PDZD2: variants seen among roughly 807,000 people sequenced by gnomAD.
PDZD2 encodes the protein PDZ domain-containing protein 2.
Under a neutral mutation model 220.7 loss-of-function variants are expected in PDZD2, and 90 were observed. The observed-to-expected ratio is 0.41, with a 90% confidence interval of 0.34 to 0.49. The LOEUF (loss-of-function observed/expected upper bound fraction) is 0.49. Among genes scored for constraint, PDZD2 ranks in the 20% least tolerant of loss-of-function variants. The pLI, the probability that PDZD2 is intolerant of heterozygous loss-of-function variation, is 0.28. For synonymous variants in PDZD2, 1,375 were observed against 1,450.5 expected, an observed-to-expected ratio of 0.95 and a Z score of 1.18; for missense variants, 3,174 against 3,608.5, an observed-to-expected ratio of 0.88 and a Z score of 3.08.
intron 2 of PDZD2, among the ~76,000 whole-genome samples, chr5:31,906,767 C>T (rs1264200741): frequency 6.6e-6 from 1 of 152,116 alleles, no homozygotes; most frequent in Non-Finnish European, 1.5e-5. Context: ...AGCTTGAACC[C>T]AGCAGGCGGA....
chr5:32,097,747 C>T (rs536063845), intron 22 of PDZD2, among the ~76,000 whole-genome samples: 69 of 152,278 alleles, frequency 4.5e-4, no homozygotes, highest in African/African-American at 1.6e-3. Flanking sequence ...ATTCAAAAGC[C>T]TTCAGGACCA....
chr5:31,880,780 C>CTTT (rs1177280477), intron 2 of PDZD2, among the ~76,000 whole-genome samples: 3 of 42,770 alleles, frequency 7.0e-5, no homozygotes, highest in South Asian at 9.0e-4. Context: ...AGGTAGCTTT[C>CTTT]TTTTTTTTTT....
chr5:31,827,447 C>T (rs1756294875), intron 2 of PDZD2, among the ~76,000 whole-genome samples: 1 of 151,980 alleles, frequency 6.6e-6, no homozygotes, highest in African/African-American at 2.4e-5. Context: ...AATCCCAACA[C>T]CTTGGGAGGC....
intron 1 of PDZD2, among the ~76,000 whole-genome samples, chr5:31,648,641 C>T (rs10054637): frequency 0.044 from 6,673 of 152,152 alleles, 251 homozygotes; most frequent in African/African-American, 0.098. Flanking sequence ...CCTTTTCCTC[C>T]GAGCAGCCAG....
At chr5:31,793,577 C>G (rs893185742) in intron 1 of PDZD2, among the ~76,000 whole-genome samples, 1 of 152,118 alleles carries the variant, frequency 6.6e-6, no homozygotes, top group African/African-American at 2.4e-5. Flanking sequence ...GAGGCTGAGG[C>G]GGGCGAATCA....
chr5:31,756,710 G>T (rs1561435088), intron 1 of PDZD2, among the ~76,000 whole-genome samples: 1 of 152,216 alleles, frequency 6.6e-6, no homozygotes, highest in Non-Finnish European at 1.5e-5. Context: ...GATGGTCTGG[G>T]CGACACTGTG....
At chr5:31,647,258 G>A (rs182879925) in intron 1 of PDZD2, among the ~76,000 whole-genome samples, 1 of 152,196 alleles carries the variant, frequency 6.6e-6, no homozygotes. Context: ...TTCACTATTT[G>A]GCAGGCACTG....
Position 31,668,752 on chromosome 5 carries a change from G to C in PDZD2, c.-361+29315G>C, listed in dbSNP as rs374277701. Among the ~76,000 whole-genome samples the C allele has an allele frequency of 6.0e-4, 92 of 152,216 alleles. 5 individuals carry two copies. The East Asian group carries it at 6.8e-3, about 11-fold the overall frequency. ...AATTCAAAATCTGCAATGAATGCTT[G>C]GTTATTTCCAAAGGGCCTGCTTTTT... On this transcript the variant is annotated intron_variant, in intron 1 of 24. Coordinates refer to ENST00000438447, the MANE Select transcript of PDZD2 (RefSeq NM_178140.4).
intron 2 of PDZD2, among the ~76,000 whole-genome samples, chr5:31,890,339 G>T (rs1429386013): frequency 6.6e-6 from 1 of 151,960 alleles, no homozygotes; most frequent in Non-Finnish European, 1.5e-5. Context: ...ATGTGGTGAG[G>T]GTGTATGGTA....
intron 2 of PDZD2, among the ~76,000 whole-genome samples, chr5:31,938,030 ATCC>A (rs1745912410): frequency 1.3e-5 from 2 of 152,184 alleles, no homozygotes; most frequent in Non-Finnish European, 2.9e-5. Flanking sequence ...CACAAAGCCT[ATCC>A]GATCTTTAGA....
intron 1 of PDZD2, among the ~76,000 whole-genome samples, chr5:31,762,604 A>G (rs1201323671): frequency 1.3e-5 from 2 of 152,154 alleles, no homozygotes; most frequent in East Asian, 3.9e-4. Context: ...GGCACTTCTT[A>G]TGCTAGCACA....
At position 32,046,041 on chromosome 5, in the gene PDZD2, A is replaced by G. The variant is rs555956938; in HGVS notation, c.1520-2498A>G. On this transcript the variant is annotated intron_variant, in intron 7 of 24. Coordinates refer to ENST00000438447, the MANE Select transcript of PDZD2 (RefSeq NM_178140.4). Reference sequence around the variant, plus strand: ...AACTTGATATATGAGGAATCTGTATATACACACAAACACATATGTATATAC... The same window carrying G: ...AACTTGATATATGAGGAATCTGTATGTACACACAAACACATATGTATATAC... Among the ~76,000 whole-genome samples, 12 of 152,350 alleles carry G rather than the reference A, an allele frequency of 7.9e-5. No homozygotes were observed. The South Asian group carries it at 1.5e-3, about 18-fold the overall frequency.
intron 7 of PDZD2, among the ~76,000 whole-genome samples, chr5:32,044,780 T>G (rs1737769655): frequency 1.3e-5 from 2 of 152,148 alleles, no homozygotes; most frequent in Non-Finnish European, 2.9e-5. Context: ...TCCGCAGTTT[T>G]GGAAAGAAGA....
chr5:31,989,424 T>TTTTTTTTTTTATTTATTTA (rs1751017157), intron 3 of PDZD2, among the ~76,000 whole-genome samples: 2 of 136,690 alleles, frequency 1.5e-5, no homozygotes, highest in African/African-American at 2.9e-5. Context: ...TTCTTTTCTT[T>TTTTTTTTTTTATTTATTTA]TTTTTTTTTT....
intron 2 of PDZD2, among the ~76,000 whole-genome samples, chr5:31,823,474 C>G (rs757204827): frequency 2.0e-5 from 3 of 151,980 alleles, no homozygotes; most frequent in Non-Finnish European, 2.9e-5. Context: ...TCTCAAAACA[C>G]AAACAAGCAA....
At chr5:32,073,541 A>G (rs32792) in intron 17 of PDZD2, among the ~76,000 whole-genome samples, 40,564 of 150,610 alleles carry the variant, frequency 0.27, 5,804 homozygotes, top group East Asian at 0.46. Context: ...AGGTGGAAGT[A>G]TTAAGTTTCT....
intron 2 of PDZD2, among the ~76,000 whole-genome samples, chr5:31,977,902 A>G (rs1749928484): frequency 6.6e-6 from 1 of 152,202 alleles, no homozygotes; most frequent in Non-Finnish European, 1.5e-5. Context: ...TGAACCTGGG[A>G]GGTGGAGGCT....
At chr5:31,879,005 G>A (rs1036197706) in intron 2 of PDZD2, among the ~76,000 whole-genome samples, 6 of 152,074 alleles carry the variant, frequency 3.9e-5, no homozygotes, top group Admixed American at 6.6e-5. Context: ...GTTGGACCAG[G>A]ACATTGATAT....
chr5:31,804,043 CA>C (rs59174858), intron 2 of PDZD2, among the ~76,000 whole-genome samples: 18,396 of 130,436 alleles, frequency 0.14, 1,672 homozygotes, highest in East Asian at 0.56. Context: ...ACCCTGCGTC[CA>C]AAAAAAAAAA....
Sources: allele counts gnomAD v4.1 joint callset (sites outside exome capture counted in the v4.1 genomes callset), GRCh38; gene constraint gnomAD v4.1.1; transcripts MANE v1.5; gene names NCBI Gene and HGNC (gene_info 2026-07-23, HGNC 2026-07-21).